The following NAV3 variants were observed in gnomAD, a reference collection of about 807,000 sequenced individuals.
The protein encoded by NAV3 is neuron navigator 3, also known as pore membrane and/or filament interacting like protein 1.
NAV3 carries 87 observed loss-of-function variants against 244.7 expected under a neutral mutation model. That is an observed-to-expected ratio of 0.36 (90% CI 0.30 to 0.42). NAV3 has a LOEUF of 0.42. Among genes scored for constraint, NAV3 ranks in the 20% least tolerant of loss-of-function variants. The probability of loss-of-function intolerance (pLI) is 1.00; values close to 1 mark genes in which losing one functional copy is unlikely to be tolerated. For synonymous variants in NAV3, 1,126 were observed against 1,042.2 expected, an observed-to-expected ratio of 1.08 and a Z score of -1.55; for missense variants, 2,663 against 2,893.3, an observed-to-expected ratio of 0.92 and a Z score of 1.83.
intron 1 of NAV3, among the ~76,000 whole-genome samples, chr12:77,888,319 A>T (rs1372416109): frequency 1.3e-5 from 2 of 152,048 alleles, no homozygotes; most frequent in African/African-American, 4.8e-5. Flanking sequence ...ACAAAGAAAT[A>T]AATAAAAATT....
chr12:77,784,336 A>G (rs1391423660), intron 2 of NAV3, among the ~76,000 whole-genome samples: 4 of 152,198 alleles, frequency 2.6e-5, no homozygotes, highest in Non-Finnish European at 1.5e-5. Context: ...ACAGACTTCC[A>G]TGATATCTTT....
At chr12:77,713,500 A>C (rs1335378052) in intron 2 of NAV3, among the ~76,000 whole-genome samples, 2 of 152,228 alleles carry the variant, frequency 1.3e-5, no homozygotes, top group African/African-American at 4.8e-5. Flanking sequence ...TTAATTATAC[A>C]TTTAAGTGAA....
intron 2 of NAV3, among the ~76,000 whole-genome samples, chr12:77,637,286 G>A (rs1037186385): frequency 2.2e-4 from 33 of 151,922 alleles, no homozygotes; most frequent in Admixed American, 5.9e-4. Flanking sequence ...CATCACTGAG[G>A]TGTAAAAATT....
At chr12:77,751,272 G>A (rs1052630564) in intron 2 of NAV3, among the ~76,000 whole-genome samples, 8 of 152,218 alleles carry the variant, frequency 5.3e-5, no homozygotes, top group African/African-American at 9.6e-5. Context: ...GCCTCTTTTC[G>A]TAGAGCTATC....
chr12:78,183,148 T>C (rs1440722122), intron 30 of NAV3, among the ~76,000 whole-genome samples: 1 of 151,920 alleles, frequency 6.6e-6, no homozygotes, highest in Non-Finnish European at 1.5e-5. Flanking sequence ...CCATGACTTA[T>C]TTTCTAGTAA....
At chr12:77,828,245 C>T (rs1204567204), upstream of NAV3, among the ~76,000 whole-genome samples, 2 of 152,150 alleles carry the variant, frequency 1.3e-5, no homozygotes, top group African/African-American at 4.8e-5. Flanking sequence ...TATATGAGTG[C>T]TCTCTTGCTC....
intron 28 of NAV3, among the ~76,000 whole-genome samples, chr12:78,178,869 G>C (rs75010110): frequency 0.012 from 1,881 of 152,198 alleles, 18 homozygotes; most frequent in Non-Finnish European, 0.018. Context: ...AACACAACAA[G>C]GATACAATGT....
intron 9 of NAV3, among the ~76,000 whole-genome samples, chr12:78,047,748 T>C (rs1882075117): frequency 6.6e-6 from 1 of 152,224 alleles, no homozygotes; most frequent in African/African-American, 2.4e-5. Context: ...ATTTGAATGT[T>C]GGCCTGTCTT....
chr12:77,651,522 A>C (rs1872823002), intron 2 of NAV3, among the ~76,000 whole-genome samples: 1 of 152,200 alleles, frequency 6.6e-6, no homozygotes, highest in Non-Finnish European at 1.5e-5. Flanking sequence ...AAAACAAAAC[A>C]AAACCTCTTA....
chr12:78,170,410 A>T (rs1446432621), intron 24 of NAV3, among the ~76,000 whole-genome samples: 1 of 151,584 alleles, frequency 6.6e-6, no homozygotes, highest in Non-Finnish European at 1.5e-5. Flanking sequence ...CTTGCCATCC[A>T]TCACCTCTCT....
chr12:77,950,225 A>G (rs1265261715), intron 3 of NAV3, among the ~76,000 whole-genome samples: 1 of 152,134 alleles, frequency 6.6e-6, no homozygotes, highest in Non-Finnish European at 1.5e-5. Flanking sequence ...GTTTTATAAG[A>G]AACCACCAAA....
chr12:78,134,417 A>G (rs1428524577), intron 18 of NAV3, among the ~76,000 whole-genome samples: 1 of 152,228 alleles, frequency 6.6e-6, no homozygotes, highest in Admixed American at 6.5e-5. Flanking sequence ...TAAGAGATCA[A>G]ATAAAATTTT....
chr12:78,008,654 AT>A (rs1555257165), intron 8 of NAV3, among the ~76,000 whole-genome samples: 1 of 99,660 alleles, frequency 1.0e-5, no homozygotes, highest in African/African-American at 3.4e-5. Context: ...ATACTGATTT[AT>A]TTTTTTGCTC....
intron 9 of NAV3, among the ~76,000 whole-genome samples, chr12:78,034,160 T>C (rs1879460199): frequency 3.9e-5 from 6 of 152,218 alleles, no homozygotes; most frequent in Admixed American, 3.9e-4. Context: ...AATTCTTTTT[T>C]GCATGGGGGT....
At chr12:78,081,836 C>T (rs300477) in intron 12 of NAV3, among the ~76,000 whole-genome samples, 9 of 152,178 alleles carry the variant, frequency 5.9e-5, no homozygotes, top group Non-Finnish European at 1.3e-4. Flanking sequence ...TCTACCCACA[C>T]CACAAAGATA....
chr12:77,922,050 C>A (rs1029624802), intron 1 of NAV3, among the ~76,000 whole-genome samples: 1 of 152,162 alleles, frequency 6.6e-6, no homozygotes, highest in African/African-American at 2.4e-5. Flanking sequence ...TATCAAAGTT[C>A]TATCTCTGAA....
intron 2 of NAV3, among the ~76,000 whole-genome samples, chr12:77,625,593 T>C (rs1871583149): frequency 1.3e-5 from 2 of 152,166 alleles, no homozygotes; most frequent in African/African-American, 4.8e-5. Flanking sequence ...CAAGGAATGA[T>C]CCACCTCATT....
At chr12:77,651,988 G>A (rs1291138385) in intron 2 of NAV3, among the ~76,000 whole-genome samples, 1 of 152,162 alleles carries the variant, frequency 6.6e-6, no homozygotes, top group Non-Finnish European at 1.5e-5. Context: ...TAATAGTGGT[G>A]GGGATGTGAT....
chr12:77,948,413 T>C lies in NAV3; in HGVS notation c.414+7280T>C, dbSNP rs1890562601. Among the ~76,000 whole-genome samples, 3 of 151,992 alleles carry C rather than the reference T, an allele frequency of 2.0e-5. No homozygotes were observed. In the South Asian group the frequency reaches 6.2e-4, roughly 31 times the overall value. On this transcript the variant is annotated intron_variant, in intron 3 of 39. Transcript: ENST00000397909. Reference sequence around the variant, plus strand: ...AGGACATTAAATTTATATATGCATATATAACTATTGCAAAATGTAGTTGAT... The same window carrying C: ...AGGACATTAAATTTATATATGCATACATAACTATTGCAAAATGTAGTTGAT...
Sources: gnomAD v4.1 joint callset for allele counts (sites outside exome capture counted in the v4.1 genomes callset) on GRCh38, gnomAD v4.1.1 for gene constraint, MANE v1.5 for transcripts, NCBI Gene and HGNC (gene_info 2026-07-23, HGNC 2026-07-21) for gene names.